CTNND2: variants seen among roughly 807,000 people sequenced by gnomAD.
CTNND2 encodes the protein catenin delta-2.
A neutral mutation model predicts 144.4 loss-of-function variants in CTNND2; 22 were observed. The observed-to-expected ratio is 0.15, with a 90% CI of 0.11 to 0.22. The LOEUF (loss-of-function observed/expected upper bound fraction) is 0.22. CTNND2 is among the 10% of genes least tolerant of loss of function. The probability of loss-of-function intolerance (pLI) is 1.00; values close to 1 mark genes in which losing one functional copy is unlikely to be tolerated. For missense variants in CTNND2, 1,353 were observed against 1,618.8 expected (o/e 0.84, Z 2.82); for synonymous variants, 751 against 695.6 (o/e 1.08, Z -1.25).
At position 11,818,183 on chromosome 5, in the gene CTNND2, A is replaced by T. The variant is rs2126935265; in HGVS notation, c.37+85634T>A. ...AGGATACACAGATGGAAAAAAGGAC[A>T]TTTATTGATTATGACATGTCTAGAC... is the stretch of plus-strand genomic sequence containing the variant. On this transcript the variant is annotated intron_variant, in intron 1 of 21. Coordinates refer to ENST00000304623, the MANE Select transcript of CTNND2 (RefSeq NM_001332.4). 1.3e-5 allele frequency among the ~76,000 whole-genome samples: 2 copies of T among 152,166 alleles called. 1 individual carries two copies. Among genetic ancestry groups the T allele is most frequent in the South Asian group, 4.1e-4 (2 of 4,826 alleles).
At chr5:11,564,170 G>A (rs1213717431) in intron 3 of CTNND2, among the ~76,000 whole-genome samples, 2 of 152,204 alleles carry the variant, frequency 1.3e-5, no homozygotes, top group African/African-American at 4.8e-5. Context: ...GTTCACTGCA[G>A]TATTCACTGC....
intron 3 of CTNND2, among the ~76,000 whole-genome samples, chr5:11,486,167 C>G (rs1456681148): frequency 6.6e-6 from 1 of 152,092 alleles, no homozygotes; most frequent in Non-Finnish European, 1.5e-5. Context: ...TGCACATTGC[C>G]AGGAGGATGA....
intron 3 of CTNND2, among the ~76,000 whole-genome samples, chr5:11,509,089 T>A (rs936615790): frequency 6.6e-6 from 1 of 152,196 alleles, no homozygotes; most frequent in Non-Finnish European, 1.5e-5. Context: ...ACTTTTGAAT[T>A]TTGTAAGGAC....
intron 9 of CTNND2, among the ~76,000 whole-genome samples, chr5:11,270,100 G>A (rs547242287): frequency 6.6e-6 from 1 of 152,270 alleles, no homozygotes; most frequent in African/African-American, 2.4e-5. Flanking sequence ...CCTCAATGTT[G>A]AGTCCACTTC....
At chr5:11,147,542 C>T (rs114565277) in intron 12 of CTNND2, among the ~76,000 whole-genome samples, 2,120 of 151,974 alleles carry the variant, frequency 0.014, 52 homozygotes, top group African/African-American at 0.049. Context: ...ACAGCTGAGA[C>T]GGGCTGATAC....
intron 7 of CTNND2, among the ~76,000 whole-genome samples, chr5:11,378,854 T>C (rs934407079): frequency 6.6e-6 from 1 of 152,186 alleles, no homozygotes; most frequent in African/African-American, 2.4e-5. Context: ...CTGAAATCTC[T>C]AAACAGTAAA....
At chr5:11,080,312 C>T (rs1244288000) in intron 16 of CTNND2, among the ~76,000 whole-genome samples, 1 of 152,098 alleles carries the variant, frequency 6.6e-6, no homozygotes, top group Non-Finnish European at 1.5e-5. Context: ...AAGATAAAAA[C>T]CAGTGTTGGT....
At chr5:11,723,321 C>A (rs985940472) in intron 2 of CTNND2, among the ~76,000 whole-genome samples, 6 of 151,812 alleles carry the variant, frequency 4.0e-5, no homozygotes, top group Non-Finnish European at 5.9e-5. Context: ...TCATATTAAA[C>A]TGAAAATATC....
intron 2 of CTNND2, among the ~76,000 whole-genome samples, chr5:11,635,877 C>T (rs988080392): frequency 1.3e-5 from 2 of 152,150 alleles, no homozygotes; most frequent in Non-Finnish European, 2.9e-5. Flanking sequence ...CCAGCTTCCA[C>T]TCCTACTCTT....
chr5:11,068,111 A>G (rs1318072190), intron 16 of CTNND2, among the ~76,000 whole-genome samples: 2 of 152,198 alleles, frequency 1.3e-5, no homozygotes, highest in East Asian at 3.8e-4. Flanking sequence ...TCAGAGGAAA[A>G]ATACTCTTAA....
chr5:11,558,920 G>A (rs917494985), intron 3 of CTNND2, among the ~76,000 whole-genome samples: 1 of 151,962 alleles, frequency 6.6e-6, no homozygotes, highest in African/African-American at 2.4e-5. Flanking sequence ...ACGTAATTGG[G>A]AGCTGTTAGG....
intron 1 of CTNND2, among the ~76,000 whole-genome samples, chr5:11,839,675 G>T (rs1794351798): frequency 6.6e-6 from 1 of 152,022 alleles, no homozygotes; most frequent in Non-Finnish European, 1.5e-5. Context: ...TGTTTATGAG[G>T]TCTCTACAAG....
chr5:11,615,393 T>C (rs959891117), intron 2 of CTNND2, among the ~76,000 whole-genome samples: 1 of 152,212 alleles, frequency 6.6e-6, no homozygotes, highest in African/African-American at 2.4e-5. Context: ...CCCCTATTAA[T>C]TGAATTTATA....
At chr5:11,662,385 G>T (rs1476196230) in intron 2 of CTNND2, among the ~76,000 whole-genome samples, 1 of 151,560 alleles carries the variant, frequency 6.6e-6, no homozygotes. Flanking sequence ...GAGGAGCAAG[G>T]AAGCCAGTCT....
In CTNND2 at chr5:11,364,688, T is replaced by G; in HGVS notation, c.1372+8A>C. The G allele has an allele frequency of 6.2e-7, 1 of 1,605,630 alleles. No individual in the cohort carries two copies. The highest frequency in any genetic ancestry group is 1.1e-5 in the South Asian group (1 of 89,694). ...GACAGGCCACCCAGTGGGGTCCTGA[T>G]TACACACCTGTGCTCGTGCGGTAGG... On this transcript the variant is annotated splice_region_variant and intron_variant, in intron 8 of 21. Transcript: ENST00000304623.
chr5:11,714,669 G>A (rs529309292), intron 2 of CTNND2, among the ~76,000 whole-genome samples: 1 of 152,190 alleles, frequency 6.6e-6, no homozygotes, highest in Non-Finnish European at 1.5e-5. Context: ...CACTTTGGGA[G>A]GCCGAGGCGG....
intron 3 of CTNND2, among the ~76,000 whole-genome samples, chr5:11,482,790 T>C (rs1260989036): frequency 6.6e-6 from 1 of 152,112 alleles, no homozygotes; most frequent in Non-Finnish European, 1.5e-5. Context: ...TCCGTGATGC[T>C]GGAACTTGAC....
chr5:11,873,435 G>C (rs1735314451), intron 1 of CTNND2, among the ~76,000 whole-genome samples: 2 of 152,158 alleles, frequency 1.3e-5, no homozygotes. Flanking sequence ...GATATACAGA[G>C]ACACATTCTG....
intron 2 of CTNND2, among the ~76,000 whole-genome samples, chr5:11,685,390 A>C (rs1561692318): frequency 6.6e-6 from 1 of 152,224 alleles, no homozygotes; most frequent in Non-Finnish European, 1.5e-5. Flanking sequence ...TGAATTCCTT[A>C]CAACAAATAC....
Sources: allele counts gnomAD v4.1 joint callset (sites outside exome capture counted in the v4.1 genomes callset), GRCh38; gene constraint gnomAD v4.1.1; transcripts MANE v1.5; gene names NCBI Gene and HGNC (gene_info 2026-07-23, HGNC 2026-07-21).